Variants in NT5DC3 observed in about 807,000 individuals in gnomAD.
NT5DC3 encodes 5'-nucleotidase domain containing 3, also known as 5'-nucleotidase domain-containing protein 3.
A neutral mutation model predicts 67.8 loss-of-function variants in NT5DC3; 42 were observed. The ratio of observed to expected loss-of-function variants is 0.62; its 90% CI spans 0.48 to 0.80. NT5DC3 has a LOEUF of 0.80. NT5DC3 is among the 30% of genes least tolerant of loss of function. The pLI is 0.00. For synonymous variants in NT5DC3, 237 were observed against 255.6 expected (o/e 0.93, Z 0.69); for missense variants, 570 against 696.4 (o/e 0.82, Z 2.04).
chr12:103,765,767 C>CCGG (rs1884905558), downstream of NT5DC3, among the ~76,000 whole-genome samples: 1 of 152,080 alleles, frequency 6.6e-6, no homozygotes, highest in Non-Finnish European at 1.5e-5. Context: ...ATCTCGAACT[C>CCGG]CTGAGCTCAA....
intron 12 of NT5DC3, among the ~76,000 whole-genome samples, chr12:103,784,058 A>T (rs1885667657): frequency 6.6e-6 from 1 of 152,176 alleles, no homozygotes; most frequent in African/African-American, 2.4e-5. Flanking sequence ...CTGTTTCCTT[A>T]TTCTAAAATG....
chr12:103,752,833 A>C, the NT5DC3 span, among the ~76,000 whole-genome samples: 169 of 152,384 alleles, frequency 1.1e-3, no homozygotes, highest in African/African-American at 3.5e-3. Context: ...TATAACATGA[A>C]TAAATAGGAA....
intron 13 of NT5DC3, among the ~76,000 whole-genome samples, chr12:103,778,744 T>A (rs141063620): frequency 9.2e-5 from 14 of 152,190 alleles, no homozygotes; most frequent in African/African-American, 2.6e-4. Context: ...TGGTTGAGGC[T>A]GCAGTGAGCT....
the NT5DC3 span, chr12:103,753,113 C>A: frequency 1.4e-6 from 2 of 1,431,312 alleles, no homozygotes; most frequent in South Asian, 1.4e-5. Context: ...CTGGAGACAC[C>A]CTGGGGTATA....
the NT5DC3 span, chr12:103,763,381 A>C: frequency 8.8e-5 from 71 of 807,186 alleles, no homozygotes; most frequent in Non-Finnish European, 1.3e-4. Context: ...AGTACTGTTA[A>C]AAAAGGAAAA....
At chr12:103,759,932 G>A in the NT5DC3 span, among the ~76,000 whole-genome samples, 15 of 152,232 alleles carry the variant, frequency 9.9e-5, no homozygotes, top group Admixed American at 5.2e-4. Flanking sequence ...ACTTTTTAAA[G>A]AAATGATACA....
the NT5DC3 span, chr12:103,746,427 C>A: frequency 1.6e-6 from 1 of 622,364 alleles, no homozygotes; most frequent in Non-Finnish European, 2.9e-6. Context: ...TCTAGAATCC[C>A]AGAATCTCCA....
chr12:103,765,472 T>C (rs1453502188), downstream of NT5DC3, among the ~76,000 whole-genome samples: 2 of 152,228 alleles, frequency 1.3e-5, no homozygotes, highest in Non-Finnish European at 2.9e-5. Flanking sequence ...GTTTTACCCA[T>C]GAAAAGCCAT....
At chr12:103,765,318 G>C in the NT5DC3 span, among the ~76,000 whole-genome samples, 1 of 152,110 alleles carries the variant, frequency 6.6e-6, no homozygotes, top group Non-Finnish European at 1.5e-5. Context: ...CTAAATGCAG[G>C]ATTCAGCTAA....
intron 1 of NT5DC3, among the ~76,000 whole-genome samples, chr12:103,838,804 T>C (rs1888257185): frequency 2.0e-5 from 3 of 151,900 alleles, no homozygotes; most frequent in Admixed American, 6.6e-5. Context: ...ACAATACACA[T>C]AACACTGGAT....
chr12:103,778,153 A>G (rs997460418), intron 13 of NT5DC3, 72 bp from the exon 14 acceptor site: 7 of 1,453,334 alleles, frequency 4.8e-6, no homozygotes, highest in Non-Finnish European at 6.5e-6. Flanking sequence ...TACTGAAATC[A>G]AAATCACTTC....
At chr12:103,805,473 G>A (rs1223398450) in intron 4 of NT5DC3, among the ~76,000 whole-genome samples, 2 of 152,168 alleles carry the variant, frequency 1.3e-5, no homozygotes, top group African/African-American at 4.8e-5. Context: ...AGTATAAGCT[G>A]TGCACCTAAA....
the NT5DC3 span, among the ~76,000 whole-genome samples, chr12:103,757,014 T>A: frequency 0.3 from 42,267 of 141,416 alleles, 7,021 homozygotes; most frequent in East Asian, 0.51. Context: ...TATATATATA[T>A]ATATATATAT....
chr12:103,771,784 A>C (rs1450896964), downstream of NT5DC3, among the ~76,000 whole-genome samples: 1 of 152,220 alleles, frequency 6.6e-6, no homozygotes, highest in East Asian at 1.9e-4. Flanking sequence ...GGAAGCCCCA[A>C]GTGTCTTATA....
Position 103,778,016 on chromosome 12 carries a change from G to C in NT5DC3, c.1460C>G (p.Thr487Ser). The change falls in exon 14 of 14, where the codon ACC becomes AGC. Residue 487 changes from threonine (T) to serine (S), a missense_variant. By Grantham distance (58) the Thr-to-Ser change is moderately conservative. This residue lies in a region of NT5DC3 where 466 missense variants were observed against 608.0 expected (regional missense o/e 0.77). Transcript: ENST00000392876. ...GCGCGACAGGCGCCTTAGGAAGTAG[G>C]TTGGGTTCTGGTCTGTGCGGAACAG... ...GSLFRTDQNP[T>S]YFLRRLSRFA... is the part of the protein sequence containing the mutation. 1.9e-6 allele frequency: 3 copies of C among 1,614,232 alleles called. No homozygotes were observed. Among genetic ancestry groups the C allele is most frequent in the Non-Finnish European group, 2.5e-6 (3 of 1,180,050 alleles).
At chr12:103,822,983 C>T (rs1346074452) in intron 1 of NT5DC3, among the ~76,000 whole-genome samples, 2 of 152,194 alleles carry the variant, frequency 1.3e-5, no homozygotes, top group South Asian at 4.1e-4. Context: ...ACTATGTTAG[C>T]AAGAATATGA....
At chr12:103,823,419 A>T (rs1392693835) in intron 1 of NT5DC3, among the ~76,000 whole-genome samples, 1 of 152,204 alleles carries the variant, frequency 6.6e-6, no homozygotes, top group Non-Finnish European at 1.5e-5. Context: ...CCCATTTCAC[A>T]GAGGAAAATG....
the NT5DC3 span, chr12:103,755,350 G>C: frequency 6.2e-7 from 1 of 1,614,146 alleles, no homozygotes. Context: ...CGGGCGGGTT[G>C]CCTACCCCAC....
intron 1 of NT5DC3, among the ~76,000 whole-genome samples, chr12:103,829,212 TC>T (rs1887825743): frequency 6.6e-6 from 1 of 152,168 alleles, no homozygotes; most frequent in South Asian, 2.1e-4. Context: ...CTATAAAGGG[TC>T]AGTTAGTAAA....
Sources: gnomAD v4.1 joint callset for allele counts (sites outside exome capture counted in the v4.1 genomes callset) on GRCh38, gnomAD v4.1.1 for gene constraint, gnomAD v4.1.1 regional missense constraint, MANE v1.5 for transcripts, NCBI Gene and HGNC (gene_info 2026-07-23, HGNC 2026-07-21) for gene names.